NPSR1: variants seen among roughly 807,000 people sequenced by gnomAD.
The protein encoded by NPSR1 is neuropeptide S receptor.
A neutral mutation model predicts 46.9 loss-of-function variants in NPSR1; 48 were observed. The observed-to-expected ratio is 1.02, with a 90% CI of 0.81 to 1.30. The LOEUF is 1.30. Ranked by LOEUF, NPSR1 falls within the 50% of genes most tolerant of loss-of-function variation. The pLI, the probability that NPSR1 is intolerant of heterozygous loss-of-function variation, is 0.00. For missense variants in NPSR1, 450 were observed against 449.5 expected (o/e 1.00, Z -0.01); for synonymous variants, 176 against 168.1 (o/e 1.05, Z -0.36).
At chr7:34,833,602 A>G (rs1212413744) in intron 5 of NPSR1, among the ~76,000 whole-genome samples, 1 of 152,212 alleles carries the variant, frequency 6.6e-6, no homozygotes, top group Non-Finnish European at 1.5e-5. Flanking sequence ...TGCATTACAA[A>G]TCACCACAAA....
intron 4 of NPSR1, among the ~76,000 whole-genome samples, chr7:34,824,144 C>T (rs17199818): frequency 0.074 from 11,271 of 152,142 alleles, 503 homozygotes; most frequent in East Asian, 0.12. Context: ...TATATGCATG[C>T]GTTATCAAAA....
chr7:34,741,931 A>G (rs1784959629), intron 2 of NPSR1, among the ~76,000 whole-genome samples: 2 of 152,176 alleles, frequency 1.3e-5, no homozygotes, highest in African/African-American at 4.8e-5. Context: ...GTGAAAGTTG[A>G]TTCTACCAGT....
intron 3 of NPSR1, among the ~76,000 whole-genome samples, chr7:34,795,718 A>G (rs1425841006): frequency 6.6e-6 from 1 of 152,200 alleles, no homozygotes; most frequent in Non-Finnish European, 1.5e-5. Context: ...CAAGATCTAT[A>G]CAAGGAAAAC....
chr7:34,695,503 A>C (rs892125704), intron 2 of NPSR1, among the ~76,000 whole-genome samples: 1 of 149,984 alleles, frequency 6.7e-6, no homozygotes, highest in African/African-American at 2.5e-5. Context: ...CAAAAGAAAT[A>C]ATCAACAAAT....
rs1325265616 is a variant in NPSR1, at chr7:34,731,169, TATAA to T, written c.280+46490_280+46493del. On this transcript the variant is annotated intron_variant, in intron 2 of 8. Transcript: ENST00000360581. ...TATAAACGGATTTAAATGTTTAGAA[TATAA>T]ATAATATTTACATAGCTGATCAAGA... 2.0e-5 allele frequency among the ~76,000 whole-genome samples: 3 copies of T among 152,264 alleles called. No individual in the cohort carries two copies. In the South Asian group the frequency reaches 6.2e-4, roughly 32 times the overall value.
chr7:34,834,302 G>C (rs1315844275), intron 5 of NPSR1, 82 bp from the exon 6 acceptor site: 9 of 977,092 alleles, frequency 9.2e-6, no homozygotes, highest in Non-Finnish European at 1.5e-5. Flanking sequence ...CTTGCACTCG[G>C]GGAGGTGGGA....
chr7:34,760,284 T>C (rs771546932), intron 2 of NPSR1, among the ~76,000 whole-genome samples: 3 of 152,256 alleles, frequency 2.0e-5, no homozygotes, highest in Non-Finnish European at 4.4e-5. Flanking sequence ...TTATTGGCCC[T>C]ATTCATTGCA....
intron 8 of NPSR1, among the ~76,000 whole-genome samples, chr7:34,875,042 T>G (rs564642525): frequency 6.6e-6 from 1 of 152,338 alleles, no homozygotes; most frequent in Admixed American, 6.5e-5. Flanking sequence ...CTTCCACCAC[T>G]GACCAGTTAC....
intron 3 of NPSR1, among the ~76,000 whole-genome samples, chr7:34,811,239 G>T (rs945411581): frequency 6.6e-6 from 1 of 152,126 alleles, no homozygotes; most frequent in East Asian, 1.9e-4. Flanking sequence ...TGGTGGAGGT[G>T]GTTCTCAGTG....
At chr7:34,684,090 C>CGTTAT (rs1792796959) in intron 1 of NPSR1, among the ~76,000 whole-genome samples, 1 of 151,388 alleles carries the variant, frequency 6.6e-6, no homozygotes, top group African/African-American at 2.4e-5. Flanking sequence ...TCCCACTTAC[C>CGTTAT]ATTATAGGTA....
At chr7:34,805,092 T>A (rs578025708) in intron 3 of NPSR1, among the ~76,000 whole-genome samples, 3 of 152,122 alleles carry the variant, frequency 2.0e-5, no homozygotes, top group African/African-American at 7.2e-5. Context: ...TTAATATTGT[T>A]AAGATGTCTA....
At chr7:34,797,855 A>G (rs74316666) in intron 3 of NPSR1, among the ~76,000 whole-genome samples, 41 of 152,296 alleles carry the variant, frequency 2.7e-4, no homozygotes, top group Admixed American at 1.1e-3. Context: ...GCCAAGTAAG[A>G]AGATAGTATA....
intron 2 of NPSR1, among the ~76,000 whole-genome samples, chr7:34,767,138 T>TA (rs1382263874): frequency 1.3e-5 from 2 of 152,168 alleles, no homozygotes; most frequent in Admixed American, 1.3e-4. Context: ...GACATGCTTG[T>TA]AAAAATTGGT....
At chr7:34,823,821 TC>T in intron 4 of NPSR1, among the ~76,000 whole-genome samples, 1 of 152,308 alleles carries the variant, frequency 6.6e-6, no homozygotes, top group Non-Finnish European at 1.5e-5. Flanking sequence ...TCAGTGCTTT[TC>T]CAATTGCACT....
chr7:34,831,742 T>G (rs1790128497), intron 5 of NPSR1, among the ~76,000 whole-genome samples: 1 of 152,206 alleles, frequency 6.6e-6, no homozygotes, highest in African/African-American at 2.4e-5. Context: ...TTGCTTTACT[T>G]TAGCTGTGCT....
chr7:34,723,718 G>A (rs1783988630), intron 2 of NPSR1, among the ~76,000 whole-genome samples: 1 of 152,098 alleles, frequency 6.6e-6, no homozygotes, highest in South Asian at 2.1e-4. Context: ...TGTTTCCAAG[G>A]CTAGACTTGA....
intron 8 of NPSR1, among the ~76,000 whole-genome samples, chr7:34,862,250 G>A (rs1791207252): frequency 6.6e-6 from 1 of 151,578 alleles, no homozygotes; most frequent in African/African-American, 2.4e-5. Context: ...GGTGGCAGTG[G>A]GCAGTTCTTC....
At chr7:34,772,356 C>G (rs1418730411) in intron 2 of NPSR1, among the ~76,000 whole-genome samples, 1 of 152,140 alleles carries the variant, frequency 6.6e-6, no homozygotes, top group Non-Finnish European at 1.5e-5. Context: ...GTTGCAGTTT[C>G]TTTTGTTGTT....
At chr7:34,807,955 T>G (rs1788791262) in intron 3 of NPSR1, among the ~76,000 whole-genome samples, 1 of 149,988 alleles carries the variant, frequency 6.7e-6, no homozygotes, top group South Asian at 2.2e-4. Context: ...TGTTACCTTA[T>G]ATAAGAAAAG....
Sources: gnomAD v4.1 joint callset for allele counts (sites outside exome capture counted in the v4.1 genomes callset) on GRCh38, gnomAD v4.1.1 for gene constraint, MANE v1.5 for transcripts, NCBI Gene and HGNC (gene_info 2026-07-23, HGNC 2026-07-21) for gene names.